PCGF5: variants seen among roughly 807,000 people sequenced by gnomAD.
PCGF5 encodes the protein polycomb group ring finger 5.
Under a neutral mutation model 44.3 loss-of-function variants are expected in PCGF5, and 9 were observed. The ratio of observed to expected loss-of-function variants is 0.20; its 90% CI spans 0.12 to 0.35. PCGF5 has a LOEUF of 0.35. Ranked by LOEUF, PCGF5 falls within the 10% of genes least tolerant of loss-of-function variation. The pLI, the probability that PCGF5 is intolerant of heterozygous loss-of-function variation, is 1.00. For missense variants in PCGF5, 146 were observed against 305.3 expected, an observed-to-expected ratio of 0.48 and a Z score of 3.89; for synonymous variants, 95 against 102.5, an observed-to-expected ratio of 0.93 and a Z score of 0.44.
At chr10:91,252,312 T>C (rs1384839405) in intron 6 of PCGF5, among the ~76,000 whole-genome samples, 1 of 152,002 alleles carries the variant, frequency 6.6e-6, no homozygotes, top group African/African-American at 2.4e-5. Flanking sequence ...GCTAGTGGGT[T>C]GAATTTTTTA....
chr10:91,255,981 A>G (rs913145810), intron 6 of PCGF5, among the ~76,000 whole-genome samples: 1 of 152,028 alleles, frequency 6.6e-6, no homozygotes, highest in Non-Finnish European at 1.5e-5. Flanking sequence ...ATACTATATT[A>G]TTTTTATTAT....
At chr10:91,227,255 TGA>T in intron 2 of PCGF5, 1 of 450,704 alleles carries the variant, frequency 2.2e-6, no homozygotes, top group Admixed American at 2.7e-5. Context: ...TTTTCCTGTG[TGA>T]ACTCATGTAT....
intron 5 of PCGF5, among the ~76,000 whole-genome samples, chr10:91,249,882 TATA>T (rs1247207819): frequency 6.6e-6 from 1 of 151,926 alleles, no homozygotes; most frequent in African/African-American, 2.4e-5. Flanking sequence ...AACAACCAAT[TATA>T]GTAGTAGTGC....
At chr10:91,235,319 A>G (rs1268789014) in intron 2 of PCGF5, among the ~76,000 whole-genome samples, 2 of 152,174 alleles carry the variant, frequency 1.3e-5, no homozygotes, top group East Asian at 3.8e-4. Flanking sequence ...CCATTTTTCT[A>G]TTAATTTGTC....
chr10:91,185,990 G>A (rs1453042097), intron 1 of PCGF5, among the ~76,000 whole-genome samples: 6 of 152,140 alleles, frequency 3.9e-5, no homozygotes, highest in African/African-American at 1.4e-4. Context: ...TGAGAGCCAC[G>A]CACCCTAGCT....
intron 1 of PCGF5, among the ~76,000 whole-genome samples, chr10:91,205,351 C>T (rs1844327285): frequency 6.6e-6 from 1 of 152,104 alleles, no homozygotes; most frequent in Admixed American, 6.5e-5. Flanking sequence ...CACCCTTCCC[C>T]AGGTCAGACG....
At chr10:91,177,960 G>A (rs1431813668) in intron 1 of PCGF5, among the ~76,000 whole-genome samples, 2 of 152,184 alleles carry the variant, frequency 1.3e-5, no homozygotes, top group African/African-American at 2.4e-5. Context: ...GATGAACCCG[G>A]TACCTCAGTT....
intron 2 of PCGF5, among the ~76,000 whole-genome samples, chr10:91,233,467 T>G (rs1181376878): frequency 6.6e-6 from 1 of 152,180 alleles, no homozygotes; most frequent in African/African-American, 2.4e-5. Context: ...ATGCTGTCCT[T>G]AGGGTTCTCT....
intron 1 of PCGF5, among the ~76,000 whole-genome samples, chr10:91,185,774 G>T (rs976295524): frequency 6.6e-6 from 1 of 152,138 alleles, no homozygotes; most frequent in Non-Finnish European, 1.5e-5. Context: ...GGCAAGTGTG[G>T]TTTCCTTGGG....
chr10:91,243,070 A>G (rs1845370869), intron 3 of PCGF5, among the ~76,000 whole-genome samples: 1 of 152,196 alleles, frequency 6.6e-6, no homozygotes, highest in South Asian at 2.1e-4. Flanking sequence ...CTCAGTAAAC[A>G]CTTTTTAAAG....
chr10:91,263,255 A>G (rs1845969008), intron 7 of PCGF5, among the ~76,000 whole-genome samples: 2 of 152,368 alleles, frequency 1.3e-5, no homozygotes, highest in South Asian at 4.1e-4. Context: ...ATACCTGATT[A>G]GCAAAATGCA....
upstream of PCGF5, among the ~76,000 whole-genome samples, chr10:91,219,492 CTGAAA>C (rs1482044688): frequency 2.6e-5 from 4 of 152,176 alleles, no homozygotes; most frequent in Non-Finnish European, 5.9e-5. Context: ...TGTTTAGTCT[CTGAAA>C]TGAAAGATAT....
At chr10:91,209,192 C>T (rs17106432) in intron 1 of PCGF5, among the ~76,000 whole-genome samples, 11,682 of 152,194 alleles carry the variant, frequency 0.077, 1,179 homozygotes, top group African/African-American at 0.24. Context: ...ATTTCATTTA[C>T]TCATCTGTTA....
At chr10:91,222,517 A>G (rs908162006) in intron 1 of PCGF5, among the ~76,000 whole-genome samples, 172 bp from the exon 2 acceptor site, 4 of 152,320 alleles carry the variant, frequency 2.6e-5, no homozygotes, top group African/African-American at 9.6e-5. Flanking sequence ...ATTTGTCATT[A>G]TTCTGAATTA....
At chr10:91,158,632 T>C (rs1019048016), upstream of PCGF5, among the ~76,000 whole-genome samples, 3 of 152,130 alleles carry the variant, frequency 2.0e-5, no homozygotes, top group Non-Finnish European at 4.4e-5. Context: ...GGAGGAGTTT[T>C]GAAAAGTGGG....
chr10:91,233,190 C>T (rs1299922646), intron 2 of PCGF5, among the ~76,000 whole-genome samples: 1 of 152,102 alleles, frequency 6.6e-6, no homozygotes, highest in East Asian at 1.9e-4. Flanking sequence ...GGGGCCATCC[C>T]AGTCTTACCA....
chr10:91,170,341 G>T (rs538008182), intron 1 of PCGF5, among the ~76,000 whole-genome samples: 1 of 152,198 alleles, frequency 6.6e-6, no homozygotes, highest in Non-Finnish European at 1.5e-5. Flanking sequence ...ATGAGCCACA[G>T]ACTGGGAGAA....
chr10:91,204,877 A>C (rs1205008377), intron 1 of PCGF5, among the ~76,000 whole-genome samples: 2 of 152,324 alleles, frequency 1.3e-5, no homozygotes, highest in East Asian at 3.8e-4. Flanking sequence ...ACAATGGTGA[A>C]AGATTTCCTT....
chr10:91,197,566 C>T (rs1415450580), intron 1 of PCGF5, among the ~76,000 whole-genome samples: 1 of 152,024 alleles, frequency 6.6e-6, no homozygotes, highest in African/African-American at 2.4e-5. Flanking sequence ...GGGGACTCAC[C>T]AAAGTTAAAT....
Sources: allele counts gnomAD v4.1 joint callset (sites outside exome capture counted in the v4.1 genomes callset), GRCh38; gene constraint gnomAD v4.1.1; transcripts MANE v1.5; gene names NCBI Gene and HGNC (gene_info 2026-07-23, HGNC 2026-07-21).